LACTB2: variants seen among roughly 807,000 people sequenced by gnomAD.
LACTB2 encodes the protein endoribonuclease LACTB2.
Under a neutral mutation model 34.8 loss-of-function variants are expected in LACTB2, and 32 were observed. The ratio of observed to expected loss-of-function variants is 0.92; its 90% confidence interval spans 0.69 to 1.24. LACTB2 has a LOEUF of 1.24. Ranked by LOEUF, LACTB2 falls within the 50% of genes most tolerant of loss-of-function variation. LACTB2 has a pLI of 0.00. For missense variants in LACTB2, 320 were observed against 345.0 expected (o/e 0.93, Z 0.57); for synonymous variants, 120 against 117.5 (o/e 1.02, Z -0.14).
At chr8:70,649,411 A>T (rs1030978553) in intron 3 of LACTB2, among the ~76,000 whole-genome samples, 1 of 152,250 alleles carries the variant, frequency 6.6e-6, no homozygotes, top group Non-Finnish European at 1.5e-5. Context: ...GAAGATTTAT[A>T]TACTCAGAGT....
chr8:70,650,671 AGTT>A (rs1400469264), intron 3 of LACTB2, among the ~76,000 whole-genome samples: 9 of 138,616 alleles, frequency 6.5e-5, no homozygotes, highest in Admixed American at 5.4e-4. Context: ...CGGAGGTTGC[AGTT>A]GCAGTGAGCC....
At position 70,669,040 on chromosome 8, in the gene LACTB2, G is replaced by C; in HGVS notation, c.81C>G (p.Thr27=). The C allele has an allele frequency of 6.2e-7, 1 of 1,609,284 alleles. No individual in the cohort carries two copies. Among genetic ancestry groups the C allele is most frequent in the Non-Finnish European group, 8.5e-7 (1 of 1,178,156 alleles). Reference sequence around the variant, plus strand: ...CTAGGTAGGTGTTGGTGCCTTGGAGGGTCATGGGACCCGGGTTACAGCCCA... The same window carrying C: ...CTAGGTAGGTGTTGGTGCCTTGGAGCGTCATGGGACCCGGGTTACAGCCCA... ...RVLGCNPGPM[T]LQGTNTYLVG... The change falls in exon 1 of 7, where the codon ACC becomes ACG. Residue 27 remains threonine (T), a synonymous_variant. Coordinates refer to ENST00000276590, the MANE Select transcript of LACTB2 (RefSeq NM_016027.3).
At position 70,657,741 on chromosome 8, in the gene LACTB2, G is replaced by C. The variant is rs1044420166; in HGVS notation, c.413+15C>G. 1 of 1,603,108 alleles carries C rather than the reference G, an allele frequency of 6.2e-7. No individual in the cohort carries two copies. The highest frequency in any genetic ancestry group is 8.5e-7 in the Non-Finnish European group (1 of 1,175,174). Reference sequence around the variant, plus strand: ...CAGACTCTTCACCTTCCCTGGCTAAGGGACATTTACTTACCTTAGAGTGGC... The same window carrying C: ...CAGACTCTTCACCTTCCCTGGCTAACGGACATTTACTTACCTTAGAGTGGC... On this transcript the variant is annotated intron_variant, in intron 3 of 6. Coordinates refer to ENST00000276590, the MANE Select transcript of LACTB2 (RefSeq NM_016027.3).
chr8:70,662,695 CT>C (rs111377859), intron 1 of LACTB2: 9 of 149,646 alleles, frequency 6.0e-5, no homozygotes, highest in Non-Finnish European at 1.0e-4. Flanking sequence ...AGATCCAATT[CT>C]TTTTTTTTTG....
chr8:70,638,765 AG>A (rs1818156547), intron 5 of LACTB2, 136 bp from the exon 6 acceptor site: 6 of 680,686 alleles, frequency 8.8e-6, no homozygotes, highest in African/African-American at 2.0e-5. Context: ...TTTTTGAGAC[AG>A]AGTCTCACTC....
intron 6 of LACTB2, 44 bp downstream of exon 6, chr8:70,638,504 A>C (rs1034767250): frequency 6.7e-7 from 1 of 1,501,530 alleles, no homozygotes; most frequent in South Asian, 1.3e-5. Flanking sequence ...CTGTAAAAAT[A>C]TTTTAAATGC....
Position 70,668,982 on chromosome 8 carries a change from T to G in LACTB2, c.122+17A>C. 6.4e-7 allele frequency: 1 copy of G among 1,571,528 alleles called. No homozygotes were observed. Among genetic ancestry groups the G allele is most frequent in the Non-Finnish European group, 8.6e-7 (1 of 1,158,566 alleles). ...GGCCGGCTGCGAACGTTGGGGAGGT[T>G]GGAGAGGGACGTTTACCTGGGGCCG... is the stretch of plus-strand genomic sequence containing the variant. On this transcript the variant is annotated intron_variant, in intron 1 of 6. Coordinates refer to ENST00000276590, the MANE Select transcript of LACTB2 (RefSeq NM_016027.3).
At chr8:70,653,938 T>C (rs1295841141) in intron 3 of LACTB2, 2 of 152,192 alleles carry the variant, frequency 1.3e-5, no homozygotes, top group African/African-American at 2.4e-5. Context: ...GGGAACCTTT[T>C]TGGGACTGTA....
chr8:70,639,710 C>T lies in LACTB2; in HGVS notation c.742-1081G>A, dbSNP rs542339917. ...GGGCGCAGTGACTCATGCCTGTAATCCCAGCACTTTGGGAGGCTGAGGCGG... is the reference window on the plus strand; with the variant it reads ...GGGCGCAGTGACTCATGCCTGTAATTCCAGCACTTTGGGAGGCTGAGGCGG... On this transcript the variant is annotated intron_variant, in intron 5 of 6. Transcript: ENST00000276590. 1.6e-3 allele frequency among the ~76,000 whole-genome samples: 250 copies of T among 151,812 alleles called. 2 individuals are homozygous for T. The highest frequency in any genetic ancestry group is 3.2e-3 in the Non-Finnish European group (214 of 67,936).
At chr8:70,648,537 G>A (rs1225901178) in intron 3 of LACTB2, among the ~76,000 whole-genome samples, 1 of 151,860 alleles carries the variant, frequency 6.6e-6, no homozygotes, top group African/African-American at 2.4e-5. Context: ...AAATCTCCCA[G>A]AAAGTATAGT....
chr8:70,656,501 G>C (rs1818413414), intron 3 of LACTB2, among the ~76,000 whole-genome samples: 1 of 152,072 alleles, frequency 6.6e-6, no homozygotes, highest in Non-Finnish European at 1.5e-5. Context: ...TAAGTATTTA[G>C]GTTTATTTCT....
At chr8:70,638,313 C>T (rs1818149244) in intron 6 of LACTB2, among the ~76,000 whole-genome samples, 1 of 152,132 alleles carries the variant, frequency 6.6e-6, no homozygotes, top group Admixed American at 6.5e-5. Context: ...GATTGCCATT[C>T]TGGTGGGTAA....
intron 1 of LACTB2, 131 bp from the exon 2 acceptor site, chr8:70,662,028 T>C: frequency 1.4e-6 from 1 of 716,738 alleles, no homozygotes; most frequent in Non-Finnish European, 2.2e-6. Flanking sequence ...AAAAACCAGC[T>C]ACATCACTTC....
intron 3 of LACTB2, among the ~76,000 whole-genome samples, chr8:70,656,984 A>C (rs1818419334): frequency 1.3e-5 from 2 of 152,314 alleles, no homozygotes; most frequent in South Asian, 4.2e-4. Flanking sequence ...ATACTGAGAA[A>C]AGTGGATGTT....
At chr8:70,667,563 C>T (rs1221765360) in intron 1 of LACTB2, among the ~76,000 whole-genome samples, 1 of 152,164 alleles carries the variant, frequency 6.6e-6, no homozygotes, top group African/African-American at 2.4e-5. Context: ...TAATTTAAGA[C>T]GAGAGACTAT....
chr8:70,664,227 C>T (rs1818513124), intron 1 of LACTB2, among the ~76,000 whole-genome samples: 1 of 152,190 alleles, frequency 6.6e-6, no homozygotes, highest in South Asian at 2.1e-4. Flanking sequence ...GGCCCCACCA[C>T]TTTTAAAATT....
intron 4 of LACTB2, among the ~76,000 whole-genome samples, chr8:70,642,429 A>G (rs1045388827): frequency 3.9e-5 from 6 of 151,954 alleles, no homozygotes; most frequent in Admixed American, 2.0e-4. Flanking sequence ...CGCAAGTTAG[A>G]AGAACTTAGG....
intron 2 of LACTB2, chr8:70,661,162 C>A (rs190960076): frequency 3.8e-5 from 15 of 393,294 alleles, no homozygotes; most frequent in Admixed American, 9.3e-5. Context: ...CACTGCTATA[C>A]CCCTTGTGCC....
chr8:70,652,407 ATGT>A (rs1293839374), intron 3 of LACTB2: 1 of 152,236 alleles, frequency 6.6e-6, no homozygotes, highest in Non-Finnish European at 1.5e-5. Flanking sequence ...AGGAAATTAA[ATGT>A]TTTATCCAGG....
Sources: gnomAD v4.1 joint callset for allele counts (sites outside exome capture counted in the v4.1 genomes callset) on GRCh38, gnomAD v4.1.1 for gene constraint, MANE v1.5 for transcripts, NCBI Gene and HGNC (gene_info 2026-07-23, HGNC 2026-07-21) for gene names.